The following ZFHX3 variants were observed in gnomAD, a reference collection of about 807,000 sequenced individuals.
The protein encoded by ZFHX3 is zinc finger homeobox protein 3.
In ZFHX3, 42 loss-of-function variants were observed where a neutral mutation model predicts 279.1. The observed-to-expected ratio is 0.15, with a 90% CI of 0.12 to 0.19. ZFHX3 has a LOEUF of 0.19. Ranked by LOEUF, ZFHX3 falls within the 10% of genes least tolerant of loss-of-function variation. The pLI, the probability that ZFHX3 is intolerant of heterozygous loss-of-function variation, is 1.00. For missense variants in ZFHX3, 4,981 were observed against 4,754.0 expected (o/e 1.05, Z -1.40); for synonymous variants, 2,293 against 1,957.8 (o/e 1.17, Z -4.52).
chr16:73,692,201 A>T (rs572976135), intron 1 of ZFHX3, among the ~76,000 whole-genome samples: 4 of 152,140 alleles, frequency 2.6e-5, no homozygotes, highest in Admixed American at 6.5e-5. Flanking sequence ...GACACTTCTA[A>T]TAAATAGATT....
At chr16:73,440,613 C>T (rs1355846109) in intron 3 of ZFHX3, among the ~76,000 whole-genome samples, 2 of 152,172 alleles carry the variant, frequency 1.3e-5, no homozygotes, top group Non-Finnish European at 2.9e-5. Context: ...ACAGTGGTGC[C>T]TGCCTCTACC....
intron 3 of ZFHX3, among the ~76,000 whole-genome samples, chr16:73,353,456 T>C (rs147086049): frequency 2.2e-4 from 33 of 152,352 alleles, no homozygotes; most frequent in Non-Finnish European, 3.1e-4. Flanking sequence ...ATAGTGTTAT[T>C]AGCAATAAGA....
At chr16:73,300,164 G>C (rs935715625) in intron 4 of ZFHX3, among the ~76,000 whole-genome samples, 2 of 151,454 alleles carry the variant, frequency 1.3e-5, no homozygotes, top group East Asian at 4.0e-4. Context: ...GGAGACTGAG[G>C]CTTGAGCCCA....
At chr16:73,040,659 G>A (rs1419826789) in intron 1 of ZFHX3, among the ~76,000 whole-genome samples, 1 of 152,232 alleles carries the variant, frequency 6.6e-6, no homozygotes, top group Non-Finnish European at 1.5e-5. Flanking sequence ...TCCACCCCAT[G>A]GGGAAGAAGA....
chr16:73,679,535 T>TAAAACA (rs1174422669), intron 2 of ZFHX3: 3 of 152,082 alleles, frequency 2.0e-5, no homozygotes, highest in African/African-American at 2.4e-5. Context: ...TTCTCTTATG[T>TAAAACA]AAAACAAAAA....
intron 1 of ZFHX3, among the ~76,000 whole-genome samples, chr16:73,722,669 G>A (rs1257350682): frequency 6.6e-6 from 1 of 152,130 alleles, no homozygotes; most frequent in East Asian, 1.9e-4. Flanking sequence ...AAGATTCTGA[G>A]TGGGGATATA....
intron 2 of ZFHX3, among the ~76,000 whole-genome samples, chr16:73,547,044 G>C: frequency 1.3e-5 from 2 of 152,040 alleles, no homozygotes; most frequent in East Asian, 3.9e-4. Flanking sequence ...CTCATCTTGA[G>C]AGGGGTCCTT....
At chr16:72,962,516 G>C (rs2144475237) in intron 1 of ZFHX3, among the ~76,000 whole-genome samples, 1 of 152,316 alleles carries the variant, frequency 6.6e-6, no homozygotes, top group East Asian at 1.9e-4. Flanking sequence ...TCGGAGAGGA[G>C]GAACCCACTG....
intron 1 of ZFHX3, among the ~76,000 whole-genome samples, chr16:73,690,370 A>T (rs2053136579): frequency 6.6e-6 from 1 of 152,208 alleles, no homozygotes; most frequent in Admixed American, 6.5e-5. Context: ...ATCTGCTTGA[A>T]GCAGCTAGGT....
chr16:73,066,209 A>G lies in ZFHX3; in HGVS notation c.-532-7197T>C, dbSNP rs908824504. ...GCGGGCTGCAGGGACATTCGACGCC[A>G]GTTTCCTCAGGCCCGGGCGTGAGAC... On this transcript the variant is annotated intron_variant, in intron 8 of 17. Coordinates refer to the ZFHX3 transcript ENST00000641206. Among the ~76,000 whole-genome samples, 7 of 152,310 alleles carry G rather than the reference A, an allele frequency of 4.6e-5. No individual in the cohort carries two copies. In the East Asian group the frequency reaches 1.4e-3, roughly 29 times the overall value.
At chr16:73,208,931 G>T (rs752012406) in intron 5 of ZFHX3, among the ~76,000 whole-genome samples, 36 of 152,144 alleles carry the variant, frequency 2.4e-4, no homozygotes, top group Non-Finnish European at 4.6e-4. Flanking sequence ...TTAATAATAT[G>T]TATCATCCTT....
intron 3 of ZFHX3, among the ~76,000 whole-genome samples, chr16:73,388,674 T>C (rs1364671790): frequency 6.6e-6 from 1 of 152,216 alleles, no homozygotes; most frequent in Non-Finnish European, 1.5e-5. Flanking sequence ...GACTTCCTGA[T>C]GTTCCTGGTT....
At chr16:73,463,805 G>T (rs1271904000) in intron 2 of ZFHX3, among the ~76,000 whole-genome samples, 1 of 152,188 alleles carries the variant, frequency 6.6e-6, no homozygotes, top group East Asian at 1.9e-4. Context: ...AACAGAAGGG[G>T]CGTTCGTTAC....
chr16:73,717,040 C>T (rs1368511316), intron 1 of ZFHX3, among the ~76,000 whole-genome samples: 1 of 151,872 alleles, frequency 6.6e-6, no homozygotes, highest in African/African-American at 2.4e-5. Context: ...CATAGAACAG[C>T]AGAAAAAATA....
chr16:73,489,837 A>G (rs2019030343), intron 2 of ZFHX3, among the ~76,000 whole-genome samples: 2 of 152,184 alleles, frequency 1.3e-5, no homozygotes. Flanking sequence ...AGCTCATAGT[A>G]ATTGTAACAA....
chr16:73,247,572 GTGTGTATATAC>G, intron 5 of ZFHX3, among the ~76,000 whole-genome samples: 1 of 151,950 alleles, frequency 6.6e-6, no homozygotes, highest in Admixed American at 6.6e-5. Flanking sequence ...GAGTGTATGA[GTGTGTATATAC>G]TGTGTATATG....
At chr16:73,359,593 G>C (rs996927326) in intron 3 of ZFHX3, among the ~76,000 whole-genome samples, 9 of 152,206 alleles carry the variant, frequency 5.9e-5, no homozygotes, top group Non-Finnish European at 1.2e-4. Flanking sequence ...CTGTGTCTGT[G>C]AGCCCAGAGG....
chr16:73,288,628 G>A (rs1310017101), intron 4 of ZFHX3, among the ~76,000 whole-genome samples: 1 of 152,112 alleles, frequency 6.6e-6, no homozygotes, highest in East Asian at 1.9e-4. Context: ...CTGTTATCAA[G>A]CCCTCCTATT....
At chr16:73,395,341 G>A (rs1029394607) in intron 3 of ZFHX3, among the ~76,000 whole-genome samples, 1 of 152,084 alleles carries the variant, frequency 6.6e-6, no homozygotes, top group Non-Finnish European at 1.5e-5. Context: ...GCGCTTGCCT[G>A]TAGTCCCAGC....
Sources: allele counts gnomAD v4.1 joint callset (sites outside exome capture counted in the v4.1 genomes callset), GRCh38; gene constraint gnomAD v4.1.1; transcripts MANE v1.5; gene names NCBI Gene and HGNC (gene_info 2026-07-23, HGNC 2026-07-21).